Variants in NTRK3 observed in about 807,000 individuals in gnomAD.
NTRK3 encodes the protein NT-3 growth factor receptor.
Under a neutral mutation model 91.7 loss-of-function variants are expected in NTRK3, and 24 were observed. That is an observed-to-expected ratio of 0.26 (90% CI 0.19 to 0.37). The LOEUF (loss-of-function observed/expected upper bound fraction) is 0.37. Among genes scored for constraint, NTRK3 ranks in the 10% least tolerant of loss-of-function variants. The pLI, the probability that NTRK3 is intolerant of heterozygous loss-of-function variation, is 1.00. For missense variants in NTRK3, 880 were observed against 1,068.9 expected, an observed-to-expected ratio of 0.82 and a Z score of 2.46; for synonymous variants, 483 against 404.0, an observed-to-expected ratio of 1.20 and a Z score of -2.34.
chr15:88,093,576 T>C (rs1213540640), intron 13 of NTRK3, among the ~76,000 whole-genome samples: 2 of 152,176 alleles, frequency 1.3e-5, no homozygotes, highest in Non-Finnish European at 2.9e-5. Flanking sequence ...TCTGTCTTCA[T>C]CTCAAAGTCA....
intron 13 of NTRK3, among the ~76,000 whole-genome samples, chr15:88,118,499 T>C (rs770264336): frequency 1.4e-4 from 21 of 152,190 alleles, no homozygotes; most frequent in Non-Finnish European, 2.8e-4. Context: ...TGGTTTTCCA[T>C]CCTGTACCAT....
intron 10 of NTRK3, 107 bp downstream of exon 10, chr15:88,134,994 T>C: frequency 7.5e-7 from 1 of 1,327,988 alleles, no homozygotes; most frequent in Non-Finnish European, 1.1e-6. Flanking sequence ...TTGCCCATGA[T>C]AACAGTATGA....
chr15:87,975,299 A>T, intron 14 of NTRK3, among the ~76,000 whole-genome samples: 1 of 152,036 alleles, frequency 6.6e-6, no homozygotes, highest in Non-Finnish European at 1.5e-5. Context: ...GGTACAGTTG[A>T]GTTTCTCATT....
chr15:87,917,571 T>G (rs1000240485), intron 17 of NTRK3, among the ~76,000 whole-genome samples: 6 of 152,212 alleles, frequency 3.9e-5, no homozygotes, highest in African/African-American at 1.2e-4. Flanking sequence ...TTTAGGTATT[T>G]GTCACCTCCA....
At chr15:88,075,928 T>C (rs1340259424) in intron 13 of NTRK3, among the ~76,000 whole-genome samples, 1 of 152,238 alleles carries the variant, frequency 6.6e-6, no homozygotes, top group Non-Finnish European at 1.5e-5. Flanking sequence ...TATGAGATCA[T>C]GTATGTGAAG....
chr15:87,912,923 TA>T (rs71460480), intron 17 of NTRK3, among the ~76,000 whole-genome samples: 2 of 39,794 alleles, frequency 5.0e-5, no homozygotes, highest in Middle Eastern at 0.014. Flanking sequence ...TTTCAAAAAG[TA>T]AAAAAAAATA....
intron 3 of NTRK3, among the ~76,000 whole-genome samples, chr15:88,196,834 A>G (rs1025187971): frequency 1.3e-5 from 2 of 152,126 alleles, no homozygotes. Context: ...CTACAGCTCT[A>G]CCCTTGATGC....
intron 14 of NTRK3, among the ~76,000 whole-genome samples, chr15:87,966,237 A>G (rs2072782448): frequency 6.6e-6 from 1 of 152,222 alleles, no homozygotes; most frequent in Non-Finnish European, 1.5e-5. Context: ...ACTTGGGACA[A>G]GGGAATAATT....
At chr15:88,172,668 A>G (rs1015770026) in intron 5 of NTRK3, among the ~76,000 whole-genome samples, 1 of 152,250 alleles carries the variant, frequency 6.6e-6, no homozygotes, top group Non-Finnish European at 1.5e-5. Context: ...TTCAAAGTAC[A>G]TATCACAAAC....
chr15:88,183,610 C>T, intron 4 of NTRK3, 121 bp from the exon 5 acceptor site: 1 of 917,866 alleles, frequency 1.1e-6, no homozygotes, highest in East Asian at 2.4e-5. Context: ...GGATTATCTA[C>T]ACCTCTTCAT....
At chr15:88,122,082 A>G (rs1442069305) in intron 13 of NTRK3, among the ~76,000 whole-genome samples, 1 of 152,264 alleles carries the variant, frequency 6.6e-6, no homozygotes, top group Non-Finnish European at 1.5e-5. Flanking sequence ...TCTCCAACAT[A>G]TGACAAGGAA....
chr15:87,935,998 G>A (rs1227995896), intron 15 of NTRK3, among the ~76,000 whole-genome samples: 1 of 152,212 alleles, frequency 6.6e-6, no homozygotes, highest in African/African-American at 2.4e-5. Context: ...GCTGCCAGTG[G>A]CCCTGTCCCC....
At chr15:88,006,848 T>C (rs2076529048) in intron 14 of NTRK3, among the ~76,000 whole-genome samples, 1 of 152,066 alleles carries the variant, frequency 6.6e-6, no homozygotes, top group Non-Finnish European at 1.5e-5. Flanking sequence ...TTCCAAACTG[T>C]GGATTTCAGA....
chr15:88,169,921 C>A (rs569710018), intron 5 of NTRK3, among the ~76,000 whole-genome samples: 2 of 152,270 alleles, frequency 1.3e-5, no homozygotes, highest in South Asian at 4.1e-4. Flanking sequence ...ATGCATCCCC[C>A]ACCTGTGCTA....
chr15:88,059,049 AACACACACAC>A (rs56706510), intron 13 of NTRK3, among the ~76,000 whole-genome samples: 4 of 144,622 alleles, frequency 2.8e-5, no homozygotes, highest in African/African-American at 5.1e-5. Flanking sequence ...CTCACACACA[AACACACACAC>A]ACACACACAC....
At chr15:88,033,175 G>GCCA (rs2078714788) in intron 13 of NTRK3, 130 bp from the exon 14 acceptor site, 1 of 223,080 alleles carries the variant, frequency 4.5e-6, no homozygotes, top group Non-Finnish European at 7.8e-6. Flanking sequence ...TGGGGGGTGT[G>GCCA]TTATATATAT....
chr15:88,234,391 C>T lies in NTRK3; in HGVS notation c.248+21515G>A, dbSNP rs536924303. On this transcript the variant is annotated intron_variant, in intron 3 of 18. Transcript: ENST00000394480. This position sits in a 1 kb window ranked among gnomAD's most constrained non-coding sequence, Gnocchi z 6.1. ...AAAGATAAGCTGGACCAAACACCAG[C>T]CATCATTATAAGAAGCCCATATTCC... Among the ~76,000 whole-genome samples, 1 of 152,328 alleles carries T rather than the reference C, an allele frequency of 6.6e-6. No individual in the cohort carries two copies. Among genetic ancestry groups the T allele is most frequent in the South Asian group, 2.1e-4 (1 of 4,826 alleles).
intron 14 of NTRK3, among the ~76,000 whole-genome samples, chr15:87,947,160 T>A (rs1227726277): frequency 6.6e-6 from 1 of 152,100 alleles, no homozygotes; most frequent in Non-Finnish European, 1.5e-5. Flanking sequence ...ATTACAGGCA[T>A]CAGCCACCGT....
At chr15:87,969,266 A>T (rs2073058658) in intron 14 of NTRK3, among the ~76,000 whole-genome samples, 1 of 152,228 alleles carries the variant, frequency 6.6e-6, no homozygotes, top group African/African-American at 2.4e-5. Flanking sequence ...CACAGGCTGG[A>T]AACACCCACA....
Sources: gnomAD v4.1 joint callset for allele counts (sites outside exome capture counted in the v4.1 genomes callset) on GRCh38, gnomAD v4.1.1 for gene constraint, Gnocchi (gnomAD v3.1) non-coding constraint, MANE v1.5 for transcripts, NCBI Gene and HGNC (gene_info 2026-07-23, HGNC 2026-07-21) for gene names.